Variants in GARNL3 observed in about 807,000 individuals in gnomAD.
The protein encoded by GARNL3 is GTPase-activating Rap/Ran-GAP domain-like protein 3.
GARNL3 carries 63 observed loss-of-function variants against 125.0 expected under a neutral mutation model. The ratio of observed to expected loss-of-function variants is 0.50; its 90% confidence interval spans 0.41 to 0.62. The LOEUF is 0.62. Ranked by LOEUF, GARNL3 falls within the 20% of genes least tolerant of loss-of-function variation. GARNL3 has a pLI of 0.00. For missense variants in GARNL3, 994 were observed against 1,244.0 expected, an observed-to-expected ratio of 0.80 and a Z score of 3.02; for synonymous variants, 439 against 457.5, an observed-to-expected ratio of 0.96 and a Z score of 0.52.
intron 2 of GARNL3, among the ~76,000 whole-genome samples, chr9:127,308,046 G>A (rs1210664580): frequency 1.3e-5 from 2 of 152,214 alleles, no homozygotes; most frequent in East Asian, 3.9e-4. Context: ...AGTACTGCCA[G>A]TAGTTCATGG....
chr9:127,371,214 G>A (rs564202117), intron 22 of GARNL3, among the ~76,000 whole-genome samples: 2 of 152,212 alleles, frequency 1.3e-5, no homozygotes, highest in South Asian at 4.1e-4. Flanking sequence ...GGTGTAGCAC[G>A]CACGGAATTT....
intron 2 of GARNL3, among the ~76,000 whole-genome samples, chr9:127,302,948 G>A (rs2064845042): frequency 6.6e-6 from 1 of 152,274 alleles, no homozygotes; most frequent in Admixed American, 6.5e-5. Flanking sequence ...TCAGGAGATC[G>A]AGACCATCCT....
chr9:127,346,792 G>A (rs930956979), intron 16 of GARNL3, among the ~76,000 whole-genome samples: 1 of 152,158 alleles, frequency 6.6e-6, no homozygotes, highest in Non-Finnish European at 1.5e-5. Flanking sequence ...GTTCCCAAGT[G>A]TTCTGTGCCC....
intron 2 of GARNL3, among the ~76,000 whole-genome samples, chr9:127,297,681 C>T (rs2064645453): frequency 6.6e-6 from 1 of 152,228 alleles, no homozygotes. Context: ...GATAAATTTG[C>T]TCCACCAGGT....
At chr9:127,229,124 C>A (rs768541813) in intron 1 of GARNL3, among the ~76,000 whole-genome samples, 8 of 152,172 alleles carry the variant, frequency 5.3e-5, no homozygotes, top group Non-Finnish European at 1.2e-4. Context: ...GTGCCTGGCT[C>A]TGTTTATGCT....
chr9:127,330,927 G>C (rs1178408859), intron 7 of GARNL3, among the ~76,000 whole-genome samples: 2 of 152,148 alleles, frequency 1.3e-5, no homozygotes, highest in Non-Finnish European at 2.9e-5. Flanking sequence ...TTAGAACTTG[G>C]ATTTTCGGAT....
At chr9:127,260,267 G>C (rs1358261790), upstream of GARNL3, among the ~76,000 whole-genome samples, 1 of 152,158 alleles carries the variant, frequency 6.6e-6, no homozygotes, top group East Asian at 1.9e-4. Flanking sequence ...GGTTTCCCAG[G>C]ATTCCTGAGT....
intron 7 of GARNL3, 63 bp downstream of exon 7, chr9:127,325,158 C>G: frequency 6.6e-7 from 1 of 1,505,906 alleles, no homozygotes. Flanking sequence ...TATATTTCTC[C>G]TTTCACTGTG....
intron 6 of GARNL3, among the ~76,000 whole-genome samples, chr9:127,321,735 A>C (rs867045572): frequency 1.3e-5 from 2 of 152,202 alleles, no homozygotes; most frequent in Admixed American, 1.3e-4. Flanking sequence ...GCTGAGATTG[A>C]AGTAGTTGGG....
At chr9:127,359,625 C>T (rs1830878250) in intron 21 of GARNL3, among the ~76,000 whole-genome samples, 1 of 152,198 alleles carries the variant, frequency 6.6e-6, no homozygotes, top group Non-Finnish European at 1.5e-5. Context: ...TAAGACTTAG[C>T]CAGCTTTTGC....
rs528708992 is a variant in GARNL3 at position 127,242,173 on chromosome 9, C to G, written c.-28-906C>G. ...GTCTTTTCTCAGTCTTTCTTTCTTT[C>G]TTTTTTAAATTCACTCGCGACTCCA... is the stretch of plus-strand genomic sequence containing the variant. On this transcript the variant is annotated intron_variant, in intron 1 of 10. Transcript: ENST00000439286. This position sits in a 1 kb window ranked among gnomAD's most constrained non-coding sequence, Gnocchi z 4.6. 6.6e-6 allele frequency among the ~76,000 whole-genome samples: 1 copy of G among 151,714 alleles called. No individual in the cohort carries two copies. Among genetic ancestry groups the G allele is most frequent in the Non-Finnish European group, 1.5e-5 (1 of 67,884 alleles).
chr9:127,247,440 C>A (rs2063323169), intron 2 of GARNL3, among the ~76,000 whole-genome samples: 1 of 152,182 alleles, frequency 6.6e-6, no homozygotes, highest in Admixed American at 6.5e-5. Context: ...TGGTTGTCTC[C>A]TATTCCTTTA....
rs1017040718 is a variant in GARNL3, at chr9:127,393,361, G to A, written c.*107G>A. 9.7e-7 allele frequency: 1 copy of A among 1,029,738 alleles called. No homozygotes were observed. Among genetic ancestry groups the A allele is most frequent in the Non-Finnish European group, 1.4e-6 (1 of 701,546 alleles). 63.8% of individuals were successfully genotyped at this position (1,029,738 alleles called of 1,614,324 possible). A position where few individuals can be genotyped will look rare whatever the true frequency, so the allele number is the denominator to read the frequency against. ...AAAATGTGGCTTTTAGCCTGTCAGT[G>A]ATCTATTGGACCAAACCTTCTGCAC... On this transcript the variant is annotated 3_prime_UTR_variant, in exon 28 of 28. Coordinates refer to ENST00000373387, the MANE Select transcript of GARNL3 (RefSeq NM_032293.5).
chr9:127,288,949 A>G (rs530518716), intron 1 of GARNL3, among the ~76,000 whole-genome samples: 57 of 152,334 alleles, frequency 3.7e-4, no homozygotes, highest in African/African-American at 1.2e-3. Flanking sequence ...TATGTCAGAC[A>G]TTATTAATTG....
At position 127,265,873 on chromosome 9, in the gene GARNL3, G is replaced by A. The variant is rs191559717; in HGVS notation, c.144+852G>A. On this transcript the variant is annotated intron_variant, in intron 1 of 27. Coordinates refer to ENST00000373387, the MANE Select transcript of GARNL3 (RefSeq NM_032293.5). ...TTTAAGTAGTAGAAAAATTTATAGCGGAGTTGTGTACCAGTGGCGTTCTAC... is the reference window on the plus strand; with the variant it reads ...TTTAAGTAGTAGAAAAATTTATAGCAGAGTTGTGTACCAGTGGCGTTCTAC... Among the ~76,000 whole-genome samples the A allele has an allele frequency of 1.2e-3, 190 of 152,230 alleles. 2 individuals carry two copies. The highest frequency in any genetic ancestry group is 0.011 in the Admixed American group (163 of 15,276).
At chr9:127,285,724 G>T (rs1016899682) in intron 1 of GARNL3, among the ~76,000 whole-genome samples, 1 of 151,882 alleles carries the variant, frequency 6.6e-6, no homozygotes, top group Non-Finnish European at 1.5e-5. Context: ...TTTGGAGATG[G>T]GTGGTTCTAA....
chr9:127,360,702 G>A (rs1207454303), intron 21 of GARNL3, among the ~76,000 whole-genome samples: 2 of 152,186 alleles, frequency 1.3e-5, no homozygotes, highest in Non-Finnish European at 2.9e-5. Context: ...TTTCCATTCC[G>A]TCTACATTCG....
intron 21 of GARNL3, among the ~76,000 whole-genome samples, chr9:127,359,359 A>G (rs1326557773): frequency 1.3e-5 from 2 of 152,160 alleles, no homozygotes; most frequent in African/African-American, 2.4e-5. Context: ...GTCTGGTGGC[A>G]CACGCCTGTA....
chr9:127,367,156 C>G (rs1048670771), intron 22 of GARNL3: 1 of 152,152 alleles, frequency 6.6e-6, no homozygotes, highest in Non-Finnish European at 1.5e-5. Flanking sequence ...TGAACAACAC[C>G]AATAAAACAG....
Sources: gnomAD v4.1 joint callset for allele counts (sites outside exome capture counted in the v4.1 genomes callset) on GRCh38, gnomAD v4.1.1 for gene constraint, Gnocchi (gnomAD v3.1) non-coding constraint, MANE v1.5 for transcripts, NCBI Gene and HGNC (gene_info 2026-07-23, HGNC 2026-07-21) for gene names.